The following CPA6 variants were observed in gnomAD, a reference collection of about 807,000 sequenced individuals.
CPA6 encodes carboxypeptidase A6.
CPA6 carries 58 observed loss-of-function variants against 63.3 expected under a neutral mutation model. The ratio of observed to expected loss-of-function variants is 0.92; its 90% CI spans 0.74 to 1.14. The LOEUF is 1.14. Ranked by LOEUF, CPA6 falls within the 50% of genes most tolerant of loss-of-function variation. The pLI, the probability that CPA6 is intolerant of heterozygous loss-of-function variation, is 0.00. For missense variants in CPA6, 565 were observed against 526.6 expected (o/e 1.07, Z -0.71); for synonymous variants, 185 against 179.0 (o/e 1.03, Z -0.27).
chr8:67,573,891 CAAAAAAAAAAAAAAA>C (rs34145304), intron 2 of CPA6, among the ~76,000 whole-genome samples: 3 of 33,486 alleles, frequency 9.0e-5, no homozygotes, highest in African/African-American at 3.4e-4. Context: ...GACTCCGTCT[CAAAAAAAAAAAAAAA>C]AAAAAAAAAA....
chr8:67,509,656 C>T (rs1812004337), intron 4 of CPA6, 38 bp from the exon 5 acceptor site: 1 of 1,019,024 alleles, frequency 9.8e-7, no homozygotes, highest in Admixed American at 2.2e-5. Context: ...TAGACTCTCT[C>T]AAAATAATGG....
chr8:67,559,255 A>G (rs1434907155), intron 2 of CPA6, among the ~76,000 whole-genome samples: 1 of 152,210 alleles, frequency 6.6e-6, no homozygotes, highest in East Asian at 1.9e-4. Flanking sequence ...TAAGATCAGT[A>G]TCAAATTTTA....
At chr8:67,581,669 C>T (rs889344273) in intron 2 of CPA6, among the ~76,000 whole-genome samples, 27 of 152,102 alleles carry the variant, frequency 1.8e-4, no homozygotes, top group South Asian at 2.1e-4. Context: ...GCTGTCTGTT[C>T]GATGGTGATA....
At chr8:67,628,501 A>G (rs975201024) in intron 1 of CPA6, among the ~76,000 whole-genome samples, 3 of 152,240 alleles carry the variant, frequency 2.0e-5, no homozygotes, top group Non-Finnish European at 4.4e-5. Context: ...AGCATATGAA[A>G]TGATAAAGTT....
chr8:67,672,778 A>C (rs1816377304), intron 1 of CPA6, among the ~76,000 whole-genome samples: 1 of 152,188 alleles, frequency 6.6e-6, no homozygotes, highest in African/African-American at 2.4e-5. Flanking sequence ...CCACAAAATG[A>C]TGTTTTGCTT....
intron 8 of CPA6, among the ~76,000 whole-genome samples, chr8:67,458,668 G>T (rs1314703796): frequency 6.6e-6 from 1 of 152,152 alleles, no homozygotes; most frequent in Non-Finnish European, 1.5e-5. Context: ...CTTTTAAAGC[G>T]TTAGTATCAA....
chr8:67,441,683 A>G (rs1810297466), intron 8 of CPA6, among the ~76,000 whole-genome samples: 1 of 152,230 alleles, frequency 6.6e-6, no homozygotes, highest in African/African-American at 2.4e-5. Context: ...TTAGTAAATG[A>G]TGTTGAGAAA....
At chr8:67,600,240 T>G (rs906324706) in intron 2 of CPA6, among the ~76,000 whole-genome samples, 1 of 151,764 alleles carries the variant, frequency 6.6e-6, no homozygotes, top group African/African-American at 2.4e-5. Flanking sequence ...GGACGTTATA[T>G]TAAGTGAAAT....
chr8:67,509,472 A>ATTT, intron 5 of CPA6, 45 bp downstream of exon 5: 1 of 900,562 alleles, frequency 1.1e-6, no homozygotes, highest in Non-Finnish European at 1.8e-6. Context: ...AAAGATGGAT[A>ATTT]TTTGGTAAAC....
At chr8:67,438,400 C>T (rs1467305133) in intron 8 of CPA6, among the ~76,000 whole-genome samples, 2 of 147,058 alleles carry the variant, frequency 1.4e-5, no homozygotes, top group Non-Finnish European at 3.0e-5. Flanking sequence ...TTTGACTTTT[C>T]AACAGCAACA....
chr8:67,470,442 A>G (rs1313619830), intron 8 of CPA6, among the ~76,000 whole-genome samples: 2 of 152,188 alleles, frequency 1.3e-5, no homozygotes, highest in African/African-American at 4.8e-5. Context: ...ATTTTGGGCA[A>G]TAACCTAATA....
chr8:67,518,132 T>C, intron 2 of CPA6, 85 bp from the exon 3 acceptor site: 1 of 1,297,872 alleles, frequency 7.7e-7, no homozygotes, highest in Non-Finnish European at 1.0e-6. Flanking sequence ...TTCTTTTGTT[T>C]GCATATAGTA....
intron 6 of CPA6, among the ~76,000 whole-genome samples, chr8:67,486,250 G>A (rs926032859): frequency 6.6e-6 from 1 of 152,212 alleles, no homozygotes; most frequent in Non-Finnish European, 1.5e-5. Flanking sequence ...TGCTAACGCA[G>A]TCATACACTA....
chr8:67,681,775 A>C (rs978098524), intron 1 of CPA6, among the ~76,000 whole-genome samples: 5 of 152,200 alleles, frequency 3.3e-5, no homozygotes, highest in African/African-American at 9.6e-5. Context: ...ATCTTTTGCC[A>C]ATAACACACC....
At chr8:67,541,298 A>C (rs767776577) in intron 2 of CPA6, among the ~76,000 whole-genome samples, 3 of 152,100 alleles carry the variant, frequency 2.0e-5, no homozygotes, top group Non-Finnish European at 4.4e-5. Flanking sequence ...ACTACCCCTC[A>C]TATTGTCTTA....
rs768176733 is a variant in CPA6 at position 67,484,815 on chromosome 8, T to C, written c.637-26A>G. The C allele has an allele frequency of 1.6e-5, 21 of 1,347,598 alleles. No individual in the cohort carries two copies. The African/African-American group carries it at 2.9e-4, about 19-fold the overall frequency. 83.5% of individuals were successfully genotyped at this position (1,347,598 alleles called of 1,614,324 possible). On this transcript the variant is annotated intron_variant, in intron 6 of 10. Transcript: ENST00000297770. ...CTAAAAGACAAAGGTGAGATTTTTCTTTTAAATTGGTCCCCAAAAGAGGAA... is the reference window on the plus strand; with the variant it reads ...CTAAAAGACAAAGGTGAGATTTTTCCTTTAAATTGGTCCCCAAAAGAGGAA...
chr8:67,516,827 C>T (rs1306324674), intron 3 of CPA6, among the ~76,000 whole-genome samples: 2 of 152,074 alleles, frequency 1.3e-5, no homozygotes, highest in Non-Finnish European at 2.9e-5. Context: ...AGACAGCCTG[C>T]ACTCTGTTAC....
At chr8:67,504,618 G>A (rs1157696198) in intron 6 of CPA6, among the ~76,000 whole-genome samples, 1 of 152,204 alleles carries the variant, frequency 6.6e-6, no homozygotes, top group African/African-American at 2.4e-5. Context: ...CAACAGCCAT[G>A]TGAGTGAGCT....
At chr8:67,559,852 A>AATGTATAT (rs1813159854) in intron 2 of CPA6, among the ~76,000 whole-genome samples, 1 of 148,054 alleles carries the variant, frequency 6.8e-6, no homozygotes, top group Non-Finnish European at 1.5e-5. Flanking sequence ...AGTTGGACAA[A>AATGTATAT]ATATATATAT....
Sources: allele counts gnomAD v4.1 joint callset (sites outside exome capture counted in the v4.1 genomes callset), GRCh38; gene constraint gnomAD v4.1.1; transcripts MANE v1.5; gene names NCBI Gene and HGNC (gene_info 2026-07-23, HGNC 2026-07-21).